SPEG: variants seen among roughly 807,000 people sequenced by gnomAD.
The protein encoded by SPEG is striated muscle preferentially expressed protein kinase.
In SPEG, 114 loss-of-function variants were observed where a neutral mutation model predicts 300.4. The observed-to-expected ratio is 0.38, with a 90% CI of 0.33 to 0.44. The LOEUF (loss-of-function observed/expected upper bound fraction) is 0.44. Among genes scored for constraint, SPEG ranks in the 20% least tolerant of loss-of-function variants. SPEG has a pLI of 1.00. For missense variants in SPEG, 4,201 were observed against 4,586.2 expected, an observed-to-expected ratio of 0.92 and a Z score of 2.43; for synonymous variants, 1,964 against 2,018.9, an observed-to-expected ratio of 0.97 and a Z score of 0.73.
intron 6 of SPEG, among the ~76,000 whole-genome samples, chr2:219,457,176 A>G (rs1000202400): frequency 6.6e-6 from 1 of 152,178 alleles, no homozygotes; most frequent in African/African-American, 2.4e-5. Flanking sequence ...CTGCCTGTGG[A>G]GGACCTACTG....
chr2:219,475,629 G>A (rs906297332), intron 18 of SPEG, among the ~76,000 whole-genome samples: 1 of 152,186 alleles, frequency 6.6e-6, no homozygotes, highest in Non-Finnish European at 1.5e-5. Context: ...CTCCTTGACA[G>A]TCCATCTTCA....
At chr2:219,466,140 T>A (rs757036445) in intron 9 of SPEG, 6 of 1,549,428 alleles carry the variant, frequency 3.9e-6, no homozygotes, top group Non-Finnish European at 5.2e-6. Flanking sequence ...CGGACCTCGC[T>A]GTGTTTCACT....
At chr2:219,456,908 C>CAAAAA (rs61151030) in intron 6 of SPEG, among the ~76,000 whole-genome samples, 4 of 39,590 alleles carry the variant, frequency 1.0e-4, no homozygotes, top group Non-Finnish European at 1.9e-4. Context: ...GACTCTGTCT[C>CAAAAA]AAAAAAAAAA....
chr2:219,437,959 C>T (rs901667258), intron 1 of SPEG, among the ~76,000 whole-genome samples: 3 of 152,168 alleles, frequency 2.0e-5, no homozygotes, highest in African/African-American at 7.2e-5. Flanking sequence ...ACATGCTTTC[C>T]TGGCTGGGAT....
chr2:219,461,907 C>G lies in SPEG; in HGVS notation c.2466C>G (p.Ser822Arg). The G allele has an allele frequency of 6.2e-7, 1 of 1,613,944 alleles. No individual in the cohort carries two copies. Among genetic ancestry groups the G allele is most frequent in the Non-Finnish European group, 8.5e-7 (1 of 1,179,912 alleles). Residue 822 changes from serine to arginine, a missense_variant, in exon 7 of 41, where the codon AGC becomes AGG. Physicochemically the swap from Ser to Arg is moderately radical, Grantham distance 110. This residue lies in a region of SPEG where 1,258 missense variants were observed against 1,293.9 expected (regional missense o/e 0.97). Coordinates refer to ENST00000312358, the MANE Select transcript of SPEG (RefSeq NM_005876.5). ...RPGGSTSPFS[S>R]PITSDEEYLS... ...GTGGGTCTACATCCCCTTTCAGCAG[C>G]CCCATCACCTCCGACGAGGAATACC...
intron 36 of SPEG, 123 bp downstream of exon 36, chr2:219,490,062 T>C: frequency 8.6e-7 from 1 of 1,161,040 alleles, no homozygotes; most frequent in Non-Finnish European, 1.2e-6. Context: ...AGACCTGGGT[T>C]ATTAGAATGA....
rs945444421 is a variant in SPEG at position 219,434,948 on chromosome 2, G to A, written c.-30G>A. On this transcript the variant is annotated 5_prime_UTR_variant, in exon 1 of 41. Coordinates refer to ENST00000312358, the MANE Select transcript of SPEG (RefSeq NM_005876.5). ...GGTGCCCCCGTGGCCGCCCAGTTCCGGCGTCCCCCCAGCCCAGCTCTCAGT... is the reference window on the plus strand; with the variant it reads ...GGTGCCCCCGTGGCCGCCCAGTTCCAGCGTCCCCCCAGCCCAGCTCTCAGT... 3.3e-5 allele frequency: 48 copies of A among 1,475,634 alleles called. No individual in the cohort carries two copies. In the Middle Eastern group the frequency reaches 7.2e-4, roughly 22 times the overall value. 91.4% of individuals were successfully genotyped at this position (1,475,634 alleles called of 1,614,324 possible).
intron 13 of SPEG, among the ~76,000 whole-genome samples, chr2:219,470,991 GACA>G: frequency 6.6e-6 from 1 of 151,770 alleles, no homozygotes; most frequent in South Asian, 2.1e-4. Flanking sequence ...AAGCAGATCT[GACA>G]ACGTCAGCCC....
At chr2:219,460,607 A>T (rs1690585371) in intron 6 of SPEG, 1 of 985,262 alleles carries the variant, frequency 1.0e-6, no homozygotes, top group South Asian at 4.7e-5. Context: ...AGAAAGGCAG[A>T]TCCCGCGGCT....
intron 1 of SPEG, among the ~76,000 whole-genome samples, chr2:219,440,880 T>C (rs1398551733): frequency 6.6e-6 from 1 of 152,234 alleles, no homozygotes; most frequent in Non-Finnish European, 1.5e-5. Flanking sequence ...AGTTACTTAG[T>C]AGTCACAGCT....
In SPEG at chr2:219,449,136, A is replaced by G; in HGVS notation, c.1978A>G (p.Asn660Asp). 6.9e-7 allele frequency: 1 copy of G among 1,446,092 alleles called. No homozygotes were observed. The allele number at this position is 1,446,092 out of a possible 1,614,324, so 89.6% of individuals were successfully genotyped here. ...GAAVPQTLEK[N>D]RAGPEAEKRL... ...TGCTGTACCCCAGACCTTGGAGAAG[A>G]ACAGGGCGGGGCCTGAGGCAGAGAA... The change falls in exon 4 of 41, where the codon AAC (asparagine) becomes GAC (aspartate). Residue 660 changes from asparagine (N) to aspartate (D), a missense_variant. Physicochemically the swap from Asn to Asp is conservative, Grantham distance 23 (BLOSUM62 1). Transcript: ENST00000312358.
intron 15 of SPEG, among the ~76,000 whole-genome samples, 189 bp downstream of exon 15, chr2:219,472,520 G>A (rs1018678743): frequency 6.6e-6 from 1 of 152,182 alleles, no homozygotes; most frequent in African/African-American, 2.4e-5. Context: ...GTGAGGAGAG[G>A]AGGCACGGGG....
At chr2:219,471,050 C>G (rs991633378) in intron 13 of SPEG, among the ~76,000 whole-genome samples, 1 of 151,982 alleles carries the variant, frequency 6.6e-6, no homozygotes, top group African/African-American at 2.4e-5. Flanking sequence ...ATGACTGATG[C>G]AAGAGGAAGA....
Position 219,477,232 on chromosome 2 carries a change from G to T in SPEG, c.4561-45G>T, listed in dbSNP as rs77584193. 7.3e-3 allele frequency: 4,773 copies of T among 651,818 alleles called. 76 individuals are homozygous for T. In the East Asian group the frequency reaches 0.088, roughly 12 times the overall value. 40.4% of individuals were successfully genotyped at this position (651,818 alleles called of 1,614,324 possible). A position where few individuals can be genotyped will look rare whatever the true frequency, so the allele number is the denominator to read the frequency against. On this transcript the variant is annotated intron_variant, in intron 19 of 40. Coordinates refer to ENST00000312358, the MANE Select transcript of SPEG (RefSeq NM_005876.5). This position sits in a 1 kb window ranked among gnomAD's most constrained non-coding sequence, Gnocchi z 6.4. ...GAGATGAGGCCCTGGCCCCAAGGTA[G>T]AGATGAGGCCAGGCCCAGGCTGAAG...
chr2:219,471,772 G>T, intron 13 of SPEG, 96 bp from the exon 14 acceptor site: 1 of 1,500,804 alleles, frequency 6.7e-7, no homozygotes, highest in Non-Finnish European at 9.1e-7. Flanking sequence ...TCCCTGCAGT[G>T]GATGGGGGTG....
chr2:219,489,254 G>C lies in SPEG; in HGVS notation c.8317+33G>C, dbSNP rs758955325. ...CAATGGTATGGGGTGGGAGGAGGAA[G>C]GGGGCTCTGAGCCTAGGGTTCTTGT... On this transcript the variant is annotated intron_variant, in intron 35 of 40. Coordinates refer to ENST00000312358, the MANE Select transcript of SPEG (RefSeq NM_005876.5). 6.2e-6 allele frequency: 10 copies of C among 1,613,232 alleles called. No individual in the cohort carries two copies. In the South Asian group the frequency reaches 1.1e-4, roughly 18 times the overall value.
Position 219,468,660 on chromosome 2 carries a change from G to T in SPEG, c.3225G>T (p.Val1075=). 6.2e-7 allele frequency: 1 copy of T among 1,614,126 alleles called. No homozygotes were observed. The highest frequency in any genetic ancestry group is 8.5e-7 in the Non-Finnish European group (1 of 1,180,010). Residue 1075 remains valine, a synonymous_variant, in exon 11 of 41, where the codon GTG becomes GTT. Transcript: ENST00000312358. ...LFTRLLEDVE[V]LEGRAARFDC... The stretch of plus-strand genomic sequence containing the variant: ...CACGGCTGCTGGAAGATGTGGAGGT[G>T]TTGGAGGGCCGAGCTGCCCGTTTCG...
intron 6 of SPEG, among the ~76,000 whole-genome samples, chr2:219,452,013 C>T (rs1689798630): frequency 6.6e-6 from 1 of 152,268 alleles, no homozygotes; most frequent in Admixed American, 6.5e-5. Flanking sequence ...GGCCAAATCC[C>T]CAAGGCGCAC....
At chr2:219,447,509 C>T (rs1689397012) in intron 3 of SPEG, among the ~76,000 whole-genome samples, 1 of 152,020 alleles carries the variant, frequency 6.6e-6, no homozygotes, top group Non-Finnish European at 1.5e-5. Flanking sequence ...AGGGGTGTGC[C>T]CTGCTGATGA....
Sources: gnomAD v4.1 joint callset for allele counts (sites outside exome capture counted in the v4.1 genomes callset) on GRCh38, gnomAD v4.1.1 for gene constraint, gnomAD v4.1.1 regional missense constraint, Gnocchi (gnomAD v3.1) non-coding constraint, MANE v1.5 for transcripts, NCBI Gene and HGNC (gene_info 2026-07-23, HGNC 2026-07-21) for gene names.